Variants in CDH12 observed in about 807,000 individuals in gnomAD.
CDH12 encodes the protein cadherin 12.
Under a neutral mutation model 74.1 loss-of-function variants are expected in CDH12, and 41 were observed. The ratio of observed to expected loss-of-function variants is 0.55; its 90% CI spans 0.43 to 0.72. CDH12 has a LOEUF of 0.72. CDH12 is among the 30% of genes least tolerant of loss of function. The pLI, the probability that CDH12 is intolerant of heterozygous loss-of-function variation, is 0.00. For synonymous variants in CDH12, 399 were observed against 355.0 expected, an observed-to-expected ratio of 1.12 and a Z score of -1.39; for missense variants, 945 against 977.2, an observed-to-expected ratio of 0.97 and a Z score of 0.44.
At chr5:21,819,803 TGA>T (rs1428843992) in intron 8 of CDH12, among the ~76,000 whole-genome samples, 11 of 151,942 alleles carry the variant, frequency 7.2e-5, no homozygotes, top group Non-Finnish European at 1.6e-4. Flanking sequence ...GGTGAAACAG[TGA>T]GAGTCATAAG....
intron 1 of CDH12, among the ~76,000 whole-genome samples, chr5:22,562,357 C>A (rs1315229371): frequency 6.6e-6 from 1 of 152,054 alleles, no homozygotes; most frequent in African/African-American, 2.4e-5. Flanking sequence ...AAAAAACATA[C>A]ATAGAGATTA....
rs1019394628 is a variant in CDH12, at chr5:21,765,213, A to G, written c.1394-114T>C. 3 of 837,238 alleles carry G rather than the reference A, an allele frequency of 3.6e-6. No individual in the cohort carries two copies. The African/African-American group carries it at 5.4e-5, about 15-fold the overall frequency. 51.9% of individuals were successfully genotyped at this position (837,238 alleles called of 1,614,324 possible). A position where few individuals can be genotyped will look rare whatever the true frequency, so the allele number is the denominator to read the frequency against. ...CAGCCTTTATATAGAATGAAAAAAAATCCTTCTTATAGGAAATCCTGGGGG... is the reference window on the plus strand; with the variant it reads ...CAGCCTTTATATAGAATGAAAAAAAGTCCTTCTTATAGGAAATCCTGGGGG... On this transcript the variant is annotated intron_variant, in intron 11 of 14. Coordinates refer to ENST00000382254, the MANE Select transcript of CDH12 (RefSeq NM_004061.5).
In CDH12 at chr5:22,130,033, T is replaced by C. The variant is rs1746098127; in HGVS notation, c.-186-51171A>G. ...TCAAGGTGTTTTGCATGAAGAAAGA[T>C]GAGAAATTTAAATTTGAGATATGAT... On this transcript the variant is annotated intron_variant, in intron 4 of 14. Transcript: ENST00000382254. Among the ~76,000 whole-genome samples, 3 of 151,682 alleles carry C rather than the reference T, an allele frequency of 2.0e-5. No homozygotes were observed. In the South Asian group the frequency reaches 6.3e-4, roughly 32 times the overall value.
intron 1 of CDH12, among the ~76,000 whole-genome samples, chr5:22,714,279 C>T (rs1743450408): frequency 6.6e-6 from 1 of 152,096 alleles, no homozygotes; most frequent in Non-Finnish European, 1.5e-5. Flanking sequence ...AACCTTTTTT[C>T]ATAGGATGTA....
rs192130241 is a variant in CDH12 at position 22,660,143 on chromosome 5, T to C, written c.-522-154779A>G. The stretch of plus-strand genomic sequence containing the variant: ...GAAAAGCATGGAGATATTTGGAGTT[T>C]ATTTTATAACCACTCACACCAAAAC... On this transcript the variant is annotated intron_variant, in intron 1 of 14. Coordinates refer to ENST00000382254, the MANE Select transcript of CDH12 (RefSeq NM_004061.5). Among the ~76,000 whole-genome samples, 459 of 152,328 alleles carry C rather than the reference T, an allele frequency of 3.0e-3. 4 individuals are homozygous for C. Among genetic ancestry groups the C allele is most frequent in the African/African-American group, 0.01 (430 of 41,580 alleles).
At chr5:21,781,693 C>T (rs1346476192) in intron 11 of CDH12, among the ~76,000 whole-genome samples, 1 of 149,560 alleles carries the variant, frequency 6.7e-6, no homozygotes, top group Admixed American at 6.7e-5. Flanking sequence ...CACTGCACTC[C>T]AGTCTAGGTG....
At chr5:22,569,223 G>C (rs979906440) in intron 1 of CDH12, among the ~76,000 whole-genome samples, 8 of 152,164 alleles carry the variant, frequency 5.3e-5, no homozygotes, top group African/African-American at 1.9e-4. Context: ...GAGCCTTATG[G>C]GTAGTGGTTG....
intron 4 of CDH12, among the ~76,000 whole-genome samples, chr5:22,189,538 C>T (rs1353098363): frequency 3.3e-5 from 5 of 151,694 alleles, no homozygotes; most frequent in Non-Finnish European, 7.4e-5. Flanking sequence ...TATTTTATTA[C>T]TTATACTTAA....
rs183908289 is a variant in CDH12 at position 21,921,909 on chromosome 5, G to A, written c.526+53182C>T. 2.6e-5 allele frequency among the ~76,000 whole-genome samples: 4 copies of A among 152,206 alleles called. No homozygotes were observed. The East Asian group carries it at 7.7e-4, about 29-fold the overall frequency. ...TTTAACATGTCCATTTCTTTGCATT[G>A]CCTCAAACTGGCTAACTCACTGTCA... On this transcript the variant is annotated intron_variant, in intron 6 of 14. Transcript: ENST00000382254.
At position 21,883,412 on chromosome 5, in the gene CDH12, C is replaced by T. The variant is rs149818133; in HGVS notation, c.527-28622G>A. On this transcript the variant is annotated intron_variant, in intron 6 of 14. Transcript: ENST00000382254. Reference sequence around the variant, plus strand: ...CTCACCATAAGCCTTTGGTGATAATCGCTGAAGATGTTGATGGAGAAGCTC... The same window carrying T: ...CTCACCATAAGCCTTTGGTGATAATTGCTGAAGATGTTGATGGAGAAGCTC... The T allele has an allele frequency of 9.9e-3, 15,552 of 1,567,114 alleles. 549 individuals carry two copies. In the Admixed American group the frequency reaches 0.11, roughly 12 times the overall value.
intron 6 of CDH12, among the ~76,000 whole-genome samples, chr5:21,958,975 G>A (rs1243021125): frequency 1.6e-4 from 24 of 152,160 alleles, no homozygotes; most frequent in Non-Finnish European, 8.8e-5. Context: ...TTTGTGCAGT[G>A]TTTTGTAATT....
At chr5:22,076,777 T>A (rs1396252943) in intron 5 of CDH12, among the ~76,000 whole-genome samples, 1 of 152,124 alleles carries the variant, frequency 6.6e-6, no homozygotes, top group African/African-American at 2.4e-5. Flanking sequence ...TTCCTCAAAA[T>A]TTTCCAAGAC....
chr5:22,157,595 A>AAT (rs1462559989), intron 4 of CDH12, among the ~76,000 whole-genome samples: 1 of 151,794 alleles, frequency 6.6e-6, no homozygotes, highest in African/African-American at 2.4e-5. Flanking sequence ...CTGAAAAAAA[A>AAT]ATTCCCCTTC....
rs770947208 is a variant in CDH12, at chr5:22,317,307, GTC to G, written c.-333+87948_-333+87949del. Reference sequence around the variant, plus strand: ...TAATCCAGCCTAGGCTACAGAGTGAGTCTCTGTCTCAAAAAAAAAATAAAAAA... The same window carrying G: ...TAATCCAGCCTAGGCTACAGAGTGAGTCTGTCTCAAAAAAAAAATAAAAAA... On this transcript the variant is annotated intron_variant, in intron 3 of 14. Transcript: ENST00000382254. 4.2e-4 allele frequency among the ~76,000 whole-genome samples: 64 copies of G among 151,678 alleles called. 1 individual carries two copies. The highest frequency in any genetic ancestry group is 1.8e-3 in the Admixed American group (28 of 15,242).
At chr5:22,551,545 A>T (rs1017981448) in intron 1 of CDH12, among the ~76,000 whole-genome samples, 2 of 152,154 alleles carry the variant, frequency 1.3e-5, no homozygotes, top group African/African-American at 4.8e-5. Flanking sequence ...TACAAAGGCC[A>T]TGCCAAGTAC....
intron 1 of CDH12, among the ~76,000 whole-genome samples, chr5:22,619,268 C>T (rs1381819087): frequency 1.3e-5 from 2 of 152,086 alleles, no homozygotes; most frequent in East Asian, 3.9e-4. Context: ...TTCCAGAAAA[C>T]TCAGCATAAT....
chr5:21,932,189 C>A (rs1377798899), intron 6 of CDH12, among the ~76,000 whole-genome samples: 1 of 152,062 alleles, frequency 6.6e-6, no homozygotes, highest in Non-Finnish European at 1.5e-5. Flanking sequence ...ATATGCTGGT[C>A]AAATATAATA....
intron 5 of CDH12, among the ~76,000 whole-genome samples, chr5:22,046,299 G>T (rs1739945276): frequency 6.6e-6 from 1 of 152,082 alleles, no homozygotes; most frequent in African/African-American, 2.4e-5. Flanking sequence ...ATTGAGAGCA[G>T]CCAAGTCCTG....
chr5:22,804,493 G>GGAGGTGAC (rs1301625818), intron 1 of CDH12, among the ~76,000 whole-genome samples: 1 of 152,168 alleles, frequency 6.6e-6, no homozygotes, highest in Non-Finnish European at 1.5e-5. Flanking sequence ...AACCAAGAAA[G>GGAGGTGAC]GAGGTGACGC....
Sources: allele counts gnomAD v4.1 joint callset (sites outside exome capture counted in the v4.1 genomes callset), GRCh38; gene constraint gnomAD v4.1.1; transcripts MANE v1.5; gene names NCBI Gene and HGNC (gene_info 2026-07-23, HGNC 2026-07-21).